The following LRRC17 variants were observed in gnomAD, a reference collection of about 807,000 sequenced individuals.
LRRC17 encodes the protein leucine rich repeat containing 17.
LRRC17 carries 33 observed loss-of-function variants against 41.5 expected under a neutral mutation model. The ratio of observed to expected loss-of-function variants is 0.80; its 90% CI spans 0.60 to 1.06. The LOEUF is 1.06. LRRC17 is among the 50% of genes least tolerant of loss of function. The probability of loss-of-function intolerance (pLI) is 0.00; values close to 1 mark genes in which losing one functional copy is unlikely to be tolerated. For synonymous variants in LRRC17, 192 were observed against 197.0 expected, an observed-to-expected ratio of 0.97 and a Z score of 0.21; for missense variants, 491 against 519.3, an observed-to-expected ratio of 0.95 and a Z score of 0.53.
At chr7:102,933,022 A>G (rs1470699513) in intron 1 of LRRC17, 2 of 152,236 alleles carry the variant, frequency 1.3e-5, no homozygotes, top group Non-Finnish European at 2.9e-5. Flanking sequence ...CACTAACAGT[A>G]AACAAAAGAA....
intron 2 of LRRC17, among the ~76,000 whole-genome samples, chr7:102,935,632 C>T (rs992894270): frequency 2.0e-5 from 3 of 152,030 alleles, no homozygotes; most frequent in Non-Finnish European, 4.4e-5. Flanking sequence ...AGAAAACAGA[C>T]GGGAGATTTT....
rs1819824780 is a variant in LRRC17, at chr7:102,934,273, T to C, written c.360T>C (p.Ile120=). ...TGCAGCAGAATGAGATCTCTAAAAT[T>C]GAGAGTGAGGCGTTCTTTGGTTTAA... ...LDLQQNEISK[I]ESEAFFGLNK... The change falls in exon 2 of 4, where the codon ATT becomes ATC. Residue 120 remains isoleucine (I), a synonymous_variant. Transcript: ENST00000339431. 6.2e-7 allele frequency: 1 copy of C among 1,614,174 alleles called. No homozygotes were observed. The highest frequency in any genetic ancestry group is 1.3e-5 in the African/African-American group (1 of 75,038).
At chr7:102,930,762 C>T (rs35691225) in intron 1 of LRRC17, among the ~76,000 whole-genome samples, 1 of 152,144 alleles carries the variant, frequency 6.6e-6, no homozygotes, top group Non-Finnish European at 1.5e-5. Context: ...CTCAAACCTT[C>T]TAAGTTGATC....
chr7:102,919,665 A>G (rs1188747049), intron 1 of LRRC17, among the ~76,000 whole-genome samples: 5 of 152,322 alleles, frequency 3.3e-5, no homozygotes, highest in Non-Finnish European at 7.3e-5. Flanking sequence ...AAGTTTATGG[A>G]CCAATATCTA....
chr7:102,937,013 A>G (rs1820456155), intron 2 of LRRC17, among the ~76,000 whole-genome samples: 1 of 152,176 alleles, frequency 6.6e-6, no homozygotes, highest in Non-Finnish European at 1.5e-5. Flanking sequence ...TTGTGTAAAC[A>G]CAACCTTCCA....
rs546288091 is a variant in LRRC17, at chr7:102,940,773, G to A, written c.928+1188G>A. On this transcript the variant is annotated intron_variant, in intron 3 of 3. Transcript: ENST00000339431. Reference sequence around the variant, plus strand: ...GCTTGGTAAATTAAGTAAACACATCGGATTTGGAAAGAACTGAGAATTACT... The same window carrying A: ...GCTTGGTAAATTAAGTAAACACATCAGATTTGGAAAGAACTGAGAATTACT... Among the ~76,000 whole-genome samples, 193 of 152,158 alleles carry A rather than the reference G, an allele frequency of 1.3e-3. 1 individual carries two copies. The highest frequency in any genetic ancestry group is 2.3e-3 in the Non-Finnish European group (159 of 68,024).
intron 3 of LRRC17, chr7:102,942,464 C>A: frequency 1.4e-6 from 1 of 737,436 alleles, no homozygotes; most frequent in Non-Finnish European, 2.1e-6. Flanking sequence ...GTTTTTACCT[C>A]CTTTAAGAAA....
chr7:102,922,148 C>CCTG (rs1817168263), intron 1 of LRRC17, among the ~76,000 whole-genome samples: 1 of 151,396 alleles, frequency 6.6e-6, no homozygotes, highest in African/African-American at 2.4e-5. Context: ...TGAGGTCGTG[C>CCTG]CACTGCATTC....
At chr7:102,923,725 G>A (rs1355435032) in intron 1 of LRRC17, among the ~76,000 whole-genome samples, 1 of 152,076 alleles carries the variant, frequency 6.6e-6, no homozygotes, top group East Asian at 1.9e-4. Flanking sequence ...TCAGGAGGCT[G>A]AGGCAGGAGA....
chr7:102,939,634 T>C (rs1171501370), intron 3 of LRRC17, 49 bp downstream of exon 3: 1 of 1,514,012 alleles, frequency 6.6e-7, no homozygotes, highest in African/African-American at 1.4e-5. Flanking sequence ...TGTTCTGTGA[T>C]TTTTTTCTAT....
chr7:102,926,450 C>T, intron 1 of LRRC17: 1 of 1,128,404 alleles, frequency 8.9e-7, no homozygotes, highest in Non-Finnish European at 1.3e-6. Context: ...TTTCTATTAT[C>T]CCTCTTCCTG....
rs79217324 is a variant in LRRC17, at chr7:102,937,995, A to G, written c.773-1435A>G. The stretch of plus-strand genomic sequence containing the variant: ...TGCCCATTCAACCACACAGACCTCA[A>G]TGATCACTATGTATTTTTGCCTTAA... On this transcript the variant is annotated intron_variant, in intron 2 of 3. Transcript: ENST00000339431. Among the ~76,000 whole-genome samples, 571 of 152,342 alleles carry G rather than the reference A, an allele frequency of 3.7e-3. 5 individuals carry two copies. The highest frequency in any genetic ancestry group is 0.014 in the African/African-American group (564 of 41,582).
In LRRC17 at chr7:102,938,023, A is replaced by G. The variant is rs140673714; in HGVS notation, c.773-1407A>G. Reference sequence around the variant, plus strand: ...ATCACTATGTATTTTTGCCTTAAATATCTAATGGCAAGAAAAAGAAATAAT... The same window carrying G: ...ATCACTATGTATTTTTGCCTTAAATGTCTAATGGCAAGAAAAAGAAATAAT... On this transcript the variant is annotated intron_variant, in intron 2 of 3. Coordinates refer to ENST00000339431, the MANE Select transcript of LRRC17 (RefSeq NM_001031692.3). Among the ~76,000 whole-genome samples, 8 of 152,362 alleles carry G rather than the reference A, an allele frequency of 5.3e-5. 1 individual carries two copies. In the East Asian group the frequency reaches 9.6e-4, roughly 18 times the overall value.
rs1563130630 is a variant in LRRC17 at position 102,944,545 on chromosome 7, G to A, written c.1264G>A (p.Glu422Lys). The A allele has an allele frequency of 1.9e-6, 3 of 1,609,052 alleles. No homozygotes were observed. The change falls in exon 4 of 4, where the codon GAA becomes AAA. Residue 422 changes from glutamate to lysine, a missense_variant. By Grantham distance (56) the Glu-to-Lys change is moderately conservative. Coordinates refer to ENST00000339431, the MANE Select transcript of LRRC17 (RefSeq NM_001031692.3). ...FDQDTEDDEW[E>K]KKHRDHTAKK... ...CCAAGACACAGAAGATGATGAATGG[G>A]AAAAAAAACATAGAGATCACACCGC...
intron 1 of LRRC17, among the ~76,000 whole-genome samples, chr7:102,921,881 A>G (rs1168823352): frequency 6.6e-6 from 1 of 151,812 alleles, no homozygotes; most frequent in Non-Finnish European, 1.5e-5. Context: ...TAGAACCAAA[A>G]ATTTTGCTCT....
intron 1 of LRRC17, chr7:102,931,765 G>T (rs1819219682): frequency 3.5e-6 from 3 of 855,490 alleles, no homozygotes; most frequent in African/African-American, 1.7e-5. Flanking sequence ...AACATAGTTT[G>T]CTCTTTTCCA....
In LRRC17 at chr7:102,944,515, T is replaced by C. The variant is rs1351796463; in HGVS notation, c.1234T>C (p.Phe412Leu). The C allele has an allele frequency of 6.2e-7, 1 of 1,614,030 alleles. No individual in the cohort carries two copies. The highest frequency in any genetic ancestry group is 1.1e-5 in the South Asian group (1 of 91,076). Residue 412 changes from phenylalanine (F) to leucine (L), a missense_variant, in exon 4 of 4, where the codon TTT becomes CTT. By Grantham distance (22) the Phe-to-Leu change is conservative (BLOSUM62 0). Transcript: ENST00000339431. Reference protein sequence around the residue: ...KDKLPAYPESFDQDTEDDEWE... With the variant: ...KDKLPAYPESLDQDTEDDEWE... ...CAAGTTACCAGCATATCCTGAGTCA[T>C]TTGACCAAGACACAGAAGATGATGA... is the stretch of plus-strand genomic sequence containing the variant.
intron 1 of LRRC17, chr7:102,913,358 T>A: frequency 1.1e-6 from 1 of 930,450 alleles, no homozygotes; most frequent in Non-Finnish European, 1.6e-6. Context: ...GTTAACTCTC[T>A]ACCTGTTAAT....
At chr7:102,918,202 T>C (rs1288587503) in intron 1 of LRRC17, among the ~76,000 whole-genome samples, 2 of 152,204 alleles carry the variant, frequency 1.3e-5, no homozygotes, top group Non-Finnish European at 2.9e-5. Context: ...CAGAGAATCA[T>C]TATGAAATGT....
Sources: gnomAD v4.1 joint callset for allele counts (sites outside exome capture counted in the v4.1 genomes callset) on GRCh38, gnomAD v4.1.1 for gene constraint, MANE v1.5 for transcripts, NCBI Gene and HGNC (gene_info 2026-07-23, HGNC 2026-07-21) for gene names.